KSR2: variants seen among roughly 807,000 people sequenced by gnomAD.
The protein encoded by KSR2 is kinase suppressor of ras 2.
A neutral mutation model predicts 107.8 loss-of-function variants in KSR2; 25 were observed. The observed-to-expected ratio is 0.23, with a 90% confidence interval of 0.17 to 0.32. KSR2 has a LOEUF of 0.32. Among genes scored for constraint, KSR2 ranks in the 10% least tolerant of loss-of-function variants. The probability of loss-of-function intolerance (pLI) is 1.00; values close to 1 mark genes in which losing one functional copy is unlikely to be tolerated. For synonymous variants in KSR2, 480 were observed against 507.0 expected (o/e 0.95, Z 0.71); for missense variants, 887 against 1,268.9 (o/e 0.70, Z 4.57).
intron 5 of KSR2, among the ~76,000 whole-genome samples, chr12:117,662,551 C>T (rs1285947359): frequency 1.3e-5 from 2 of 152,184 alleles, no homozygotes; most frequent in Non-Finnish European, 2.9e-5. Flanking sequence ...GGACAAAGAG[C>T]AGGAGTTGCT....
At chr12:117,800,615 G>A (rs1431731346) in intron 3 of KSR2, among the ~76,000 whole-genome samples, 1 of 152,030 alleles carries the variant, frequency 6.6e-6, no homozygotes, top group Non-Finnish European at 1.5e-5. Flanking sequence ...TAAGTTCTGG[G>A]ATACATGTGC....
chr12:117,471,362 C>A, intron 17 of KSR2, 42 bp from the exon 18 acceptor site: 1 of 1,595,106 alleles, frequency 6.3e-7, no homozygotes, highest in South Asian at 1.1e-5. Context: ...TGTGGTGTGT[C>A]ACTTGCAACC....
At chr12:117,778,984 C>T (rs747029791) in intron 3 of KSR2, among the ~76,000 whole-genome samples, 25 of 152,184 alleles carry the variant, frequency 1.6e-4, no homozygotes, top group Non-Finnish European at 2.9e-4. Context: ...ACTTGGGGCG[C>T]AGGTTTTCCA....
intron 5 of KSR2, among the ~76,000 whole-genome samples, chr12:117,611,445 G>GACACACAC (rs6144887): frequency 3.7e-4 from 53 of 144,614 alleles, no homozygotes; most frequent in African/African-American, 1.3e-3. Context: ...TGCACGCACA[G>GACACACAC]ACACACACAC....
intron 5 of KSR2, among the ~76,000 whole-genome samples, chr12:117,649,960 A>C (rs904957396): frequency 1.2e-4 from 19 of 152,274 alleles, no homozygotes; most frequent in African/African-American, 4.6e-4. Flanking sequence ...CACATTATTC[A>C]TGCTTGCTCT....
intron 14 of KSR2, among the ~76,000 whole-genome samples, chr12:117,511,691 C>T (rs1245413351): frequency 6.6e-6 from 1 of 152,212 alleles, no homozygotes; most frequent in Non-Finnish European, 1.5e-5. Flanking sequence ...TAATAAATAT[C>T]CATAGTGCCA....
intron 17 of KSR2, among the ~76,000 whole-genome samples, chr12:117,474,937 C>G (rs1068943): frequency 0.44 from 66,349 of 151,848 alleles, 15,159 homozygotes; most frequent in South Asian, 0.72. Context: ...TGATGCCACT[C>G]TCCACCTGCT....
At chr12:117,727,585 T>A (rs1393866217) in intron 4 of KSR2, among the ~76,000 whole-genome samples, 1 of 151,560 alleles carries the variant, frequency 6.6e-6, no homozygotes, top group African/African-American at 2.4e-5. Flanking sequence ...GTAGCAGAGT[T>A]TAGAATCATG....
chr12:117,555,075 G>A (rs1877568409), intron 9 of KSR2, 94 bp downstream of exon 9: 2 of 1,491,886 alleles, frequency 1.3e-6, no homozygotes, highest in South Asian at 1.2e-5. Flanking sequence ...CTAGGAGGGA[G>A]CGCCATACTC....
At chr12:117,900,127 T>C (rs1373244383) in intron 1 of KSR2, among the ~76,000 whole-genome samples, 7 of 152,206 alleles carry the variant, frequency 4.6e-5, no homozygotes, top group Non-Finnish European at 7.3e-5. Context: ...AACTGTGAGA[T>C]AATAAATGTG....
At chr12:117,742,565 G>C (rs894266059) in intron 4 of KSR2, among the ~76,000 whole-genome samples, 1 of 147,284 alleles carries the variant, frequency 6.8e-6, no homozygotes, top group Non-Finnish European at 1.5e-5. Context: ...AATGGGCAGA[G>C]AGATGAACAG....
At chr12:117,793,217 C>CAACA (rs1890343937) in intron 3 of KSR2, among the ~76,000 whole-genome samples, 3 of 143,494 alleles carry the variant, frequency 2.1e-5, no homozygotes, top group African/African-American at 5.4e-5. Flanking sequence ...TGCACACACC[C>CAACA]TCACACCAAC....
intron 14 of KSR2, among the ~76,000 whole-genome samples, chr12:117,499,480 G>A (rs1038850253): frequency 5.3e-5 from 8 of 152,288 alleles, no homozygotes; most frequent in Middle Eastern, 3.4e-3. Context: ...TTCTGTAGAC[G>A]GTTTGGAAAA....
At position 117,467,077 on chromosome 12, in the gene KSR2, G is replaced by A; in HGVS notation, c.*122C>T. ...CCGAGCAGTTGTCCAGTGCTCCCAG[G>A]TCGGTCGGGGTTGGTACCCTCTGAT... On this transcript the variant is annotated 3_prime_UTR_variant, in exon 20 of 20. Coordinates refer to ENST00000339824, the MANE Select transcript of KSR2 (RefSeq NM_173598.6). The A allele has an allele frequency of 1.9e-6, 1 of 521,392 alleles. No homozygotes were observed. Among genetic ancestry groups the A allele is most frequent in the Non-Finnish European group, 3.5e-6 (1 of 288,814 alleles). The allele number at this position is 521,392 out of a possible 1,614,324, so 32.3% of individuals were successfully genotyped here. A position where few individuals can be genotyped will look rare whatever the true frequency, so the allele number is the denominator to read the frequency against.
intron 5 of KSR2, among the ~76,000 whole-genome samples, chr12:117,648,026 A>C (rs1170015477): frequency 6.6e-6 from 1 of 152,150 alleles, no homozygotes; most frequent in Non-Finnish European, 1.5e-5. Flanking sequence ...GTCTTTTTAA[A>C]GACAAAAGTT....
At chr12:117,844,659 A>G (rs1892632113) in intron 3 of KSR2, among the ~76,000 whole-genome samples, 1 of 152,108 alleles carries the variant, frequency 6.6e-6, no homozygotes, top group South Asian at 2.1e-4. Flanking sequence ...ATGAAGTAAC[A>G]TAAAGAAATA....
chr12:117,859,120 T>G (rs1893195609), intron 2 of KSR2, among the ~76,000 whole-genome samples: 1 of 148,490 alleles, frequency 6.7e-6, no homozygotes, highest in Non-Finnish European at 1.5e-5. Flanking sequence ...TGCTATTTGG[T>G]GCCAGAATAT....
chr12:117,689,808 T>C (rs1349096059), intron 4 of KSR2, among the ~76,000 whole-genome samples: 5 of 151,498 alleles, frequency 3.3e-5, no homozygotes, highest in Non-Finnish European at 7.4e-5. Flanking sequence ...GAGGTAGTTA[T>C]GGTCACAGAA....
intron 5 of KSR2, among the ~76,000 whole-genome samples, chr12:117,661,543 G>A (rs1396874437): frequency 1.3e-5 from 2 of 152,178 alleles, no homozygotes; most frequent in African/African-American, 4.8e-5. Flanking sequence ...TTCTTGCAAC[G>A]TTTCTGTAAA....
Sources: allele counts gnomAD v4.1 joint callset (sites outside exome capture counted in the v4.1 genomes callset), GRCh38; gene constraint gnomAD v4.1.1; transcripts MANE v1.5; gene names NCBI Gene and HGNC (gene_info 2026-07-23, HGNC 2026-07-21).